The following ERCC8 variants were observed in gnomAD, a reference collection of about 807,000 sequenced individuals.
ERCC8 encodes the protein ERCC excision repair 8, CSA ubiquitin ligase complex subunit.
Under a neutral mutation model 54.9 loss-of-function variants are expected in ERCC8, and 52 were observed. That is an observed-to-expected ratio of 0.95 (90% CI 0.76 to 1.19). The LOEUF (loss-of-function observed/expected upper bound fraction) is 1.19, where lower values mean the gene tolerates loss of function less well. ERCC8 is among the 50% of genes most tolerant of loss of function. The pLI, the probability that ERCC8 is intolerant of heterozygous loss-of-function variation, is 0.00. For synonymous variants in ERCC8, 146 were observed against 157.2 expected (o/e 0.93, Z 0.53); for missense variants, 514 against 466.1 (o/e 1.10, Z -0.95).
In ERCC8 at chr5:60,868,369, A is replaced by T. The variant is rs978358972; in HGVS notation, c.*6246T>A. On this transcript the variant is annotated 3_prime_UTR_variant, in exon 12 of 12. Transcript: ENST00000676185. ...CTCGGAGAGCGGTTATCAATCCACT[A>T]GCACAAAGTTTACCAGTATCTTCAT... Among the ~76,000 whole-genome samples, 9 of 152,196 alleles carry T rather than the reference A, an allele frequency of 5.9e-5. No individual in the cohort carries two copies. Among genetic ancestry groups the T allele is most frequent in the Non-Finnish European group, 1.2e-4 (8 of 68,022 alleles).
At chr5:60,885,519 G>T (rs564034529) in intron 11 of ERCC8, among the ~76,000 whole-genome samples, 2 of 151,990 alleles carry the variant, frequency 1.3e-5, no homozygotes, top group Non-Finnish European at 2.9e-5. Context: ...ATTACATAAA[G>T]AAATGTAAAA....
chr5:60,884,526 T>TTTA (rs1748339767), intron 11 of ERCC8, among the ~76,000 whole-genome samples: 1 of 149,152 alleles, frequency 6.7e-6, no homozygotes, highest in Non-Finnish European at 1.5e-5. Context: ...TGTATGTGTT[T>TTTA]TTTTTTTTTT....
rs745763079 is a variant in ERCC8 at position 60,922,118 on chromosome 5, A to G, written c.211T>C (p.Tyr71His). 1 of 1,610,958 alleles carries G rather than the reference A, an allele frequency of 6.2e-7. No individual in the cohort carries two copies. Among genetic ancestry groups the G allele is most frequent in the Admixed American group, 1.7e-5 (1 of 59,916 alleles). The change falls in exon 3 of 12, where the codon TAT becomes CAT. Residue 71 changes from tyrosine to histidine, a missense_variant. By Grantham distance (83) the Tyr-to-His change is moderately conservative. Transcript: ENST00000676185. ...TGTCTGCTGGAGTTCTCAAGGTCAT[A>G]AAGTACAATCACACCATCTGAACCA... Reference protein sequence around the residue: ...SGGSDGVIVLYDLENSSRQSY... With the variant: ...SGGSDGVIVLHDLENSSRQSY...
intron 4 of ERCC8, among the ~76,000 whole-genome samples, chr5:60,911,646 T>C (rs1298540698): frequency 6.6e-6 from 1 of 152,208 alleles, no homozygotes; most frequent in African/African-American, 2.4e-5. Context: ...TTTGGTGTTT[T>C]AGACATGAAG....
At chr5:60,938,076 TA>T (rs1561519071) in intron 1 of ERCC8, among the ~76,000 whole-genome samples, 6 of 31,602 alleles carry the variant, frequency 1.9e-4, no homozygotes, top group African/African-American at 5.5e-4. Flanking sequence ...TATATATATA[TA>T]TATATATATT....
chr5:60,876,618 C>A (rs1748016924), intron 11 of ERCC8, among the ~76,000 whole-genome samples: 1 of 152,194 alleles, frequency 6.6e-6, no homozygotes, highest in African/African-American at 2.4e-5. Context: ...ATTTGCATTT[C>A]TCTGATGGCC....
rs184770801 is a variant in ERCC8 at position 60,923,054 on chromosome 5, G to A, written c.174-899C>T. 1.9e-3 allele frequency among the ~76,000 whole-genome samples: 281 copies of A among 151,604 alleles called. 1 individual carries two copies. The highest frequency in any genetic ancestry group is 6.1e-3 in the African/African-American group (251 of 41,352). On this transcript the variant is annotated intron_variant, in intron 2 of 11. Transcript: ENST00000676185. Reference sequence around the variant, plus strand: ...GATTTGTTGCTGGAGCAGTGTGGAAGGGAAAGAGTGGTGAGAGATGAGAGG... The same window carrying A: ...GATTTGTTGCTGGAGCAGTGTGGAAAGGAAAGAGTGGTGAGAGATGAGAGG...
At chr5:60,917,174 C>T (rs545262974) in intron 4 of ERCC8, among the ~76,000 whole-genome samples, 1 of 151,850 alleles carries the variant, frequency 6.6e-6, no homozygotes, top group Non-Finnish European at 1.5e-5. Context: ...AGCAACAAAT[C>T]TCATAAGTGG....
At chr5:60,925,396 C>T (rs146687797) in intron 2 of ERCC8, among the ~76,000 whole-genome samples, 224 of 152,260 alleles carry the variant, frequency 1.5e-3, no homozygotes, top group Non-Finnish European at 2.2e-3. Flanking sequence ...TGGGGGCGCA[C>T]TTTGACTGGT....
chr5:60,934,913 G>A (rs560639211), intron 1 of ERCC8, among the ~76,000 whole-genome samples: 53 of 152,232 alleles, frequency 3.5e-4, no homozygotes, highest in Non-Finnish European at 5.6e-4. Flanking sequence ...ACTCTGTTCC[G>A]TTGGTCTATA....
chr5:60,909,226 CA>C (rs1749171808), intron 4 of ERCC8, among the ~76,000 whole-genome samples: 1 of 52,524 alleles, frequency 1.9e-5, no homozygotes, highest in Non-Finnish European at 3.5e-5. Context: ...TAAATGCAGA[CA>C]AAAATGCCCT....
intron 2 of ERCC8, among the ~76,000 whole-genome samples, chr5:60,927,713 C>T (rs980705914): frequency 2.6e-4 from 39 of 152,242 alleles, no homozygotes; most frequent in Middle Eastern, 3.4e-3. Flanking sequence ...TCCTGCTGCT[C>T]ATGTCTGCAT....
At chr5:60,906,331 G>T (rs1749070253) in intron 4 of ERCC8, among the ~76,000 whole-genome samples, 1 of 151,914 alleles carries the variant, frequency 6.6e-6, no homozygotes, top group African/African-American at 2.4e-5. Context: ...CCACTGCTGG[G>T]CCTATGTTTT....
chr5:60,936,043 C>T (rs1750055871), intron 1 of ERCC8, among the ~76,000 whole-genome samples: 1 of 152,116 alleles, frequency 6.6e-6, no homozygotes, highest in African/African-American at 2.4e-5. Flanking sequence ...ATTGGCTTCA[C>T]AGGAGGATTT....
intron 1 of ERCC8, among the ~76,000 whole-genome samples, chr5:60,938,032 CAT>C (rs1271867801): frequency 9.0e-5 from 3 of 33,168 alleles, no homozygotes; most frequent in African/African-American, 3.8e-4. Flanking sequence ...TGTATACATA[CAT>C]ACATACATAC....
chr5:60,891,153 G>A, intron 9 of ERCC8, 67 bp from the exon 10 acceptor site: 1 of 1,010,696 alleles, frequency 9.9e-7, no homozygotes, highest in Non-Finnish European at 1.5e-6. Flanking sequence ...CAAAGCCTAG[G>A]AGAAATACTT....
intron 9 of ERCC8, among the ~76,000 whole-genome samples, chr5:60,891,472 T>G (rs778254545): frequency 5.9e-5 from 9 of 152,142 alleles, no homozygotes; most frequent in Non-Finnish European, 1.3e-4. Flanking sequence ...GGTTTATTAA[T>G]GCAACCATTC....
chr5:60,918,998 C>T (rs1326544701), intron 3 of ERCC8, among the ~76,000 whole-genome samples: 1 of 151,982 alleles, frequency 6.6e-6, no homozygotes, highest in African/African-American at 2.4e-5. Context: ...CTGAAGGATG[C>T]AGTATATGCT....
chr5:60,879,857 C>T (rs1384122552), intron 11 of ERCC8, among the ~76,000 whole-genome samples: 1 of 152,176 alleles, frequency 6.6e-6, no homozygotes, highest in Admixed American at 6.5e-5. Context: ...AGCAGTTAGC[C>T]CATTTACATT....
Sources: allele counts gnomAD v4.1 joint callset (sites outside exome capture counted in the v4.1 genomes callset), GRCh38; gene constraint gnomAD v4.1.1; transcripts MANE v1.5; gene names NCBI Gene and HGNC (gene_info 2026-07-23, HGNC 2026-07-21).